MOB1A: variants seen among roughly 807,000 people sequenced by gnomAD.
The protein encoded by MOB1A is MOB1 Mps One Binder homolog A.
Under a neutral mutation model 25.1 loss-of-function variants are expected in MOB1A, and 10 were observed. The ratio of observed to expected loss-of-function variants is 0.40; its 90% confidence interval spans 0.25 to 0.68. The LOEUF is 0.68. MOB1A is among the 30% of genes least tolerant of loss of function. The pLI, the probability that MOB1A is intolerant of heterozygous loss-of-function variation, is 0.40. For missense variants in MOB1A, 177 were observed against 256.3 expected (o/e 0.69, Z 2.11); for synonymous variants, 81 against 79.5 (o/e 1.02, Z -0.10).
intron 1 of MOB1A, among the ~76,000 whole-genome samples, chr2:74,176,125 A>ACACACAC (rs1558840671): frequency 4.3e-5 from 4 of 93,642 alleles, no homozygotes; most frequent in African/African-American, 8.8e-5. Flanking sequence ...CACACACACA[A>ACACACAC]ACTAGCCGGG....
At chr2:74,173,175 G>A (rs1452894887) in intron 1 of MOB1A, 2 of 517,454 alleles carry the variant, frequency 3.9e-6, no homozygotes. Flanking sequence ...GCCAAGATAG[G>A]AAGATGATGA....
intron 2 of MOB1A, among the ~76,000 whole-genome samples, chr2:74,171,534 T>C (rs1693294116): frequency 1.3e-5 from 2 of 152,204 alleles, no homozygotes; most frequent in African/African-American, 2.4e-5. Context: ...CTGATATTTG[T>C]TGGAGCTGGG....
At chr2:74,164,600 T>C (rs1035096338) in intron 4 of MOB1A, 1 of 152,148 alleles carries the variant, frequency 6.6e-6, no homozygotes, top group African/African-American at 2.4e-5. Context: ...AATTGTTATA[T>C]TAAAATCAAG....
intron 2 of MOB1A, among the ~76,000 whole-genome samples, chr2:74,167,381 G>C (rs562492215): frequency 6.6e-6 from 1 of 152,242 alleles, no homozygotes; most frequent in East Asian, 1.9e-4. Flanking sequence ...AAGTAGTTCG[G>C]ATTACAGGTG....
At chr2:74,172,100 A>G (rs1485783234) in intron 2 of MOB1A, among the ~76,000 whole-genome samples, 1 of 152,168 alleles carries the variant, frequency 6.6e-6, no homozygotes, top group Non-Finnish European at 1.5e-5. Flanking sequence ...TTGAACTTAA[A>G]GTGACTTTCA....
At position 74,152,549 on chromosome 2, in the gene MOB1A, T is replaced by A. The variant is rs1692686239; in HGVS notation, c.*4019A>T. 1 of 152,204 alleles carries A rather than the reference T, an allele frequency of 6.6e-6. No individual in the cohort carries two copies. The highest frequency in any genetic ancestry group is 6.5e-5 in the Admixed American group (1 of 15,278). The allele number at this position is 152,204 out of a possible 1,614,324, so 9.4% of individuals were successfully genotyped here. ...AATCTGCAAAACTCTCAAGTTTCTA[T>A]ATTTAAATAGAAATGTGTGTTGATA... On this transcript the variant is annotated 3_prime_UTR_variant, in exon 6 of 6. Coordinates refer to ENST00000396049, the MANE Select transcript of MOB1A (RefSeq NM_018221.5).
At chr2:74,178,614 A>G (rs1693547723) in intron 1 of MOB1A, 47 bp downstream of exon 1, 2 of 1,357,674 alleles carry the variant, frequency 1.5e-6, no homozygotes, top group African/African-American at 1.5e-5. Flanking sequence ...GGCCTCCCCC[A>G]CAACCTCGGC....
In MOB1A at chr2:74,159,828, C is replaced by CCA. The variant is rs1553444486; in HGVS notation, c.410-575_410-574insTG. Among the ~76,000 whole-genome samples, 9 of 112,830 alleles carry CCA rather than the reference C, an allele frequency of 8.0e-5. No individual in the cohort carries two copies. The South Asian group carries it at 2.8e-3, about 35-fold the overall frequency. 74.0% of individuals were successfully genotyped at this position (112,830 alleles called of 152,430 possible). A position where few individuals can be genotyped will look rare whatever the true frequency, so the allele number is the denominator to read the frequency against. Reference sequence around the variant, plus strand: ...GTTTTTTGTTTTTTGTCCCCCCCCCCACCCCGGAGACTGAGCCTCACTCTG... The same window carrying CCA: ...GTTTTTTGTTTTTTGTCCCCCCCCCCCAACCCCGGAGACTGAGCCTCACTCTG... On this transcript the variant is annotated intron_variant, in intron 4 of 5. Coordinates refer to ENST00000396049, the MANE Select transcript of MOB1A (RefSeq NM_018221.5).
intron 4 of MOB1A, among the ~76,000 whole-genome samples, chr2:74,160,236 C>G (rs1257634718): frequency 6.6e-6 from 1 of 152,052 alleles, no homozygotes; most frequent in Non-Finnish European, 1.5e-5. Flanking sequence ...TAATCCAGCA[C>G]GTTGAGAGGC....
In MOB1A at chr2:74,169,659, C is replaced by CA. The variant is rs559246595; in HGVS notation, c.182-2553dup. ...CCTTGTTTTTCCCCCGACTGGGTCT[C>CA]ACTCTGTTGCCCAGGCTGGAGTGCA... On this transcript the variant is annotated intron_variant, in intron 2 of 5. Coordinates refer to ENST00000396049, the MANE Select transcript of MOB1A (RefSeq NM_018221.5). 1.6e-4 allele frequency among the ~76,000 whole-genome samples: 24 copies of CA among 152,014 alleles called. No homozygotes were observed. In the South Asian group the frequency reaches 4.8e-3, roughly 30 times the overall value.
intron 4 of MOB1A, 75 bp downstream of exon 4, chr2:74,165,143 A>AC (rs750286048): frequency 4.6e-5 from 55 of 1,187,038 alleles, no homozygotes; most frequent in South Asian, 7.7e-5. Flanking sequence ...AACACAGCAA[A>AC]CCCCCCCAAC....
chr2:74,155,543 T>C lies in MOB1A; in HGVS notation c.*1025A>G, dbSNP rs537614957. The C allele has an allele frequency of 5.2e-5, 8 of 152,670 alleles. No homozygotes were observed. The East Asian group carries it at 1.2e-3, about 22-fold the overall frequency. 9.5% of individuals were successfully genotyped at this position (152,670 alleles called of 1,614,324 possible). ...TGGTTTTCCTTAAGTTTTATCCTTA[T>C]TAGGATGAAGTTCATGCATTTCTAC... On this transcript the variant is annotated 3_prime_UTR_variant, in exon 6 of 6. Coordinates refer to ENST00000396049, the MANE Select transcript of MOB1A (RefSeq NM_018221.5).
chr2:74,171,484 A>T (rs1348468188), intron 2 of MOB1A, among the ~76,000 whole-genome samples: 1 of 152,232 alleles, frequency 6.6e-6, no homozygotes, highest in African/African-American at 2.4e-5. Context: ...TGCTTAAAAT[A>T]ATCAGGGTGA....
intron 4 of MOB1A, among the ~76,000 whole-genome samples, chr2:74,159,930 C>A (rs187277129): frequency 3.5e-4 from 53 of 151,436 alleles, no homozygotes; most frequent in Admixed American, 1.1e-3. Flanking sequence ...AATCTGCCCA[C>A]CTCAGCCTCC....
chr2:74,167,305 G>A (rs1693158622), intron 2 of MOB1A, among the ~76,000 whole-genome samples, 198 bp from the exon 3 acceptor site: 1 of 152,008 alleles, frequency 6.6e-6, no homozygotes, highest in African/African-American at 2.4e-5. Flanking sequence ...GCCCAGGCTG[G>A]TGCAATCTTG....
chr2:74,160,164 T>C (rs761155305), intron 4 of MOB1A, among the ~76,000 whole-genome samples: 1 of 152,174 alleles, frequency 6.6e-6, no homozygotes, highest in Non-Finnish European at 1.5e-5. Context: ...CATAAATATT[T>C]TTACTTTGTA....
At position 74,163,063 on chromosome 2, in the gene MOB1A, A is replaced by T. The variant is rs564801004; in HGVS notation, c.409+2155T>A. Among the ~76,000 whole-genome samples, 8 of 152,338 alleles carry T rather than the reference A, an allele frequency of 5.3e-5. No homozygotes were observed. In the South Asian group the frequency reaches 1.7e-3, roughly 32 times the overall value. On this transcript the variant is annotated intron_variant, in intron 4 of 5. Coordinates refer to ENST00000396049, the MANE Select transcript of MOB1A (RefSeq NM_018221.5). Reference sequence around the variant, plus strand: ...TCCATACACCTCTAACCAAAAGCCAAGATTTCGGCTTACTGCAGAAATACT... The same window carrying T: ...TCCATACACCTCTAACCAAAAGCCATGATTTCGGCTTACTGCAGAAATACT...
In MOB1A at chr2:74,178,600, G is replaced by A. The variant is rs540329513; in HGVS notation, c.14+61C>T. On this transcript the variant is annotated intron_variant, in intron 1 of 5. Coordinates refer to ENST00000396049, the MANE Select transcript of MOB1A (RefSeq NM_018221.5). ...AGGCCGAGCCCTCGCCTCAGGTCCG[G>A]GGAGGCCTCCCCCACAACCTCGGCC... 1.2e-5 allele frequency: 15 copies of A among 1,293,316 alleles called. No individual in the cohort carries two copies. The South Asian group carries it at 2.6e-4, about 23-fold the overall frequency. 80.1% of individuals were successfully genotyped at this position (1,293,316 alleles called of 1,614,324 possible).
intron 5 of MOB1A, among the ~76,000 whole-genome samples, chr2:74,158,577 C>T (rs1692869423): frequency 6.6e-6 from 1 of 151,902 alleles, no homozygotes; most frequent in East Asian, 1.9e-4. Context: ...ATCAGGAGTT[C>T]GAGACCAGCC....
Sources: gnomAD v4.1 joint callset for allele counts (sites outside exome capture counted in the v4.1 genomes callset) on GRCh38, gnomAD v4.1.1 for gene constraint, MANE v1.5 for transcripts, NCBI Gene and HGNC (gene_info 2026-07-23, HGNC 2026-07-21) for gene names.